Variants in SUGCT observed in about 807,000 individuals in gnomAD.
SUGCT encodes succinyl-CoA:glutarate-CoA transferase.
In SUGCT, 41 loss-of-function variants were observed where a neutral mutation model predicts 55.0. The observed-to-expected ratio is 0.74, with a 90% CI of 0.58 to 0.97. The LOEUF (loss-of-function observed/expected upper bound fraction) is 0.97, where lower values mean the gene tolerates loss of function less well. Among genes scored for constraint, SUGCT ranks in the 50% least tolerant of loss-of-function variants. The pLI, the probability that SUGCT is intolerant of heterozygous loss-of-function variation, is 0.00. For synonymous variants in SUGCT, 187 were observed against 200.4 expected, an observed-to-expected ratio of 0.93 and a Z score of 0.56; for missense variants, 568 against 547.8, an observed-to-expected ratio of 1.04 and a Z score of -0.37.
At chr7:40,933,587 G>T in the SUGCT span, among the ~76,000 whole-genome samples, 2 of 152,058 alleles carry the variant, frequency 1.3e-5, no homozygotes, top group African/African-American at 2.4e-5. Context: ...ATGTAGATTT[G>T]GTCTTTTCAC....
At chr7:40,657,271 G>A (rs1021019389) in intron 12 of SUGCT, among the ~76,000 whole-genome samples, 3 of 152,188 alleles carry the variant, frequency 2.0e-5, no homozygotes, top group Non-Finnish European at 2.9e-5. Context: ...TGGTGAGTAA[G>A]AAAGGAATAA....
At chr7:41,005,662 G>A in the SUGCT span, among the ~76,000 whole-genome samples, 2 of 152,194 alleles carry the variant, frequency 1.3e-5, no homozygotes, top group African/African-American at 2.4e-5. Context: ...TATCAATGAG[G>A]TTACCTATGT....
At chr7:40,249,313 CTATATATATATATATATATATA>C (rs57348487) in intron 7 of SUGCT, among the ~76,000 whole-genome samples, 4,329 of 79,530 alleles carry the variant, frequency 0.054, 262 homozygotes, top group Middle Eastern at 0.075. Context: ...CACCAAAAAG[CTATATATATATATATATATATA>C]TATATATATA....
intron 13 of SUGCT, among the ~76,000 whole-genome samples, chr7:40,786,056 C>T (rs965347369): frequency 6.6e-6 from 1 of 152,046 alleles, no homozygotes; most frequent in African/African-American, 2.4e-5. Context: ...CTATGATTGC[C>T]CTACTGCACT....
the SUGCT span, among the ~76,000 whole-genome samples, chr7:40,903,172 T>G: frequency 1.3e-5 from 2 of 151,978 alleles, no homozygotes; most frequent in Non-Finnish European, 2.9e-5. Context: ...GCTGGGACTA[T>G]AGGCGCGTGT....
chr7:40,827,737 C>T (rs957930991), intron 13 of SUGCT, among the ~76,000 whole-genome samples: 1 of 152,082 alleles, frequency 6.6e-6, no homozygotes, highest in Non-Finnish European at 1.5e-5. Flanking sequence ...GAGTCTTTAC[C>T]ATCCAGCTCT....
chr7:40,859,882 C>G (rs1343769691), intron 13 of SUGCT, among the ~76,000 whole-genome samples: 2 of 152,216 alleles, frequency 1.3e-5, no homozygotes, highest in African/African-American at 2.4e-5. Context: ...TGGAACTACA[C>G]AGTAGACATT....
Position 40,357,770 on chromosome 7 carries a change from T to C in SUGCT, c.816+40915T>C, listed in dbSNP as rs560263206. On this transcript the variant is annotated intron_variant, in intron 9 of 13. Coordinates refer to ENST00000335693, the MANE Select transcript of SUGCT (RefSeq NM_001193313.2). ...TTTTGTCTTTTTAAAATCTTTTTTCTTTTTTTTAATCTTCTTTTGATTTTT... is the reference window on the plus strand; with the variant it reads ...TTTTGTCTTTTTAAAATCTTTTTTCCTTTTTTTAATCTTCTTTTGATTTTT... 1.9e-3 allele frequency among the ~76,000 whole-genome samples: 294 copies of C among 151,034 alleles called. 11 individuals are homozygous for C. In the South Asian group the frequency reaches 0.058, roughly 30 times the overall value.
chr7:40,383,306 T>C (rs1373559943), intron 9 of SUGCT, among the ~76,000 whole-genome samples: 1 of 152,212 alleles, frequency 6.6e-6, no homozygotes, highest in Non-Finnish European at 1.5e-5. Flanking sequence ...GAAACTAGAA[T>C]CCATCGATTT....
At chr7:40,392,699 G>A (rs1331667957) in intron 9 of SUGCT, among the ~76,000 whole-genome samples, 3 of 152,180 alleles carry the variant, frequency 2.0e-5, no homozygotes, top group Non-Finnish European at 4.4e-5. Context: ...TTGAATGGGT[G>A]AGGAGATGGT....
chr7:40,340,949 A>G (rs558910550), intron 9 of SUGCT, among the ~76,000 whole-genome samples: 2 of 152,338 alleles, frequency 1.3e-5, no homozygotes, highest in African/African-American at 2.4e-5. Context: ...ATTAGATCAA[A>G]TAGTGATAAG....
chr7:40,178,413 GA>G (rs1785027192), intron 1 of SUGCT, among the ~76,000 whole-genome samples: 1 of 152,112 alleles, frequency 6.6e-6, no homozygotes, highest in African/African-American at 2.4e-5. Context: ...ATTTTTCCGA[GA>G]AAGGATGCAT....
chr7:40,720,600 C>G (rs1475559445), intron 12 of SUGCT, among the ~76,000 whole-genome samples: 2 of 152,178 alleles, frequency 1.3e-5, no homozygotes, highest in Non-Finnish European at 2.9e-5. Context: ...TAGTCAGACT[C>G]TTTCCAGCTG....
chr7:40,431,004 G>A (rs184574575), intron 9 of SUGCT, among the ~76,000 whole-genome samples: 127 of 151,454 alleles, frequency 8.4e-4, no homozygotes, highest in African/African-American at 3.0e-3. Context: ...CGTAATCCCA[G>A]CTACACAGGA....
intron 13 of SUGCT, among the ~76,000 whole-genome samples, chr7:40,768,430 G>T (rs532332104): frequency 6.6e-6 from 1 of 152,016 alleles, no homozygotes; most frequent in Non-Finnish European, 1.5e-5. Flanking sequence ...GTTTCAACTC[G>T]CCTTGGCCAC....
intron 6 of SUGCT, among the ~76,000 whole-genome samples, chr7:40,213,136 A>G (rs973172000): frequency 2.0e-5 from 3 of 152,166 alleles, no homozygotes; most frequent in Non-Finnish European, 4.4e-5. Context: ...CAATTATCTT[A>G]TCAATTACTG....
rs147478849 is a variant in SUGCT, at chr7:40,642,160, T to C, written c.1090-107274T>C. Among the ~76,000 whole-genome samples the C allele has an allele frequency of 2.9e-3, 447 of 152,344 alleles. 2 individuals are homozygous for C. The highest frequency in any genetic ancestry group is 7.8e-3 in the African/African-American group (323 of 41,582). Reference sequence around the variant, plus strand: ...CTGAATTCCCCTGACACTCACTGGCTTTTTAAAGCATGCACATGCTTTTGC... The same window carrying C: ...CTGAATTCCCCTGACACTCACTGGCCTTTTAAAGCATGCACATGCTTTTGC... On this transcript the variant is annotated intron_variant, in intron 12 of 13. Transcript: ENST00000335693.
At chr7:40,667,106 CA>C (rs58790754) in intron 12 of SUGCT, among the ~76,000 whole-genome samples, 2,528 of 98,304 alleles carry the variant, frequency 0.026, 25 homozygotes, top group African/African-American at 0.05. Flanking sequence ...GATCCTATCT[CA>C]AAAAAAAAAA....
chr7:40,439,380 CT>C (rs1788374938), intron 9 of SUGCT, among the ~76,000 whole-genome samples: 1 of 151,892 alleles, frequency 6.6e-6, no homozygotes, highest in South Asian at 2.1e-4. Context: ...ATCTTTACCA[CT>C]TTCTTTCTTA....
Sources: allele counts gnomAD v4.1 joint callset (sites outside exome capture counted in the v4.1 genomes callset), GRCh38; gene constraint gnomAD v4.1.1; transcripts MANE v1.5; gene names NCBI Gene and HGNC (gene_info 2026-07-23, HGNC 2026-07-21).